SORT1: variants seen among roughly 807,000 people sequenced by gnomAD.
The protein encoded by SORT1 is sortilin.
A neutral mutation model predicts 101.7 loss-of-function variants in SORT1; 39 were observed. That is an observed-to-expected ratio of 0.38 (90% CI 0.30 to 0.50). The LOEUF is 0.50. SORT1 is among the 20% of genes least tolerant of loss of function. SORT1 has a pLI of 0.90. For missense variants in SORT1, 878 were observed against 1,040.4 expected (o/e 0.84, Z 2.15); for synonymous variants, 396 against 393.7 (o/e 1.01, Z -0.07).
At chr1:109,319,354 G>C (rs184279546) in intron 15 of SORT1, among the ~76,000 whole-genome samples, 8 of 152,244 alleles carry the variant, frequency 5.3e-5, no homozygotes, top group Admixed American at 5.2e-4. Context: ...ACCTGCCCTG[G>C]GGCCTTGCTT....
At position 109,324,896 on chromosome 1, in the gene SORT1, C is replaced by T; in HGVS notation, c.1834+3G>A. ...GGTAGAAAAGGTCAAAGGAGACACTCACAGTTCCTTTCAAGGATATCTTTA... is the reference window on the plus strand; with the variant it reads ...GGTAGAAAAGGTCAAAGGAGACACTTACAGTTCCTTTCAAGGATATCTTTA... On this transcript the variant is annotated splice_donor_region_variant and intron_variant, in intron 14 of 19. Transcript: ENST00000256637. The T allele has an allele frequency of 6.3e-7, 1 of 1,587,630 alleles. No homozygotes were observed. The highest frequency in any genetic ancestry group is 2.2e-5 in the East Asian group (1 of 44,478).
intron 11 of SORT1, among the ~76,000 whole-genome samples, chr1:109,334,783 G>T (rs1291178634): frequency 6.6e-6 from 1 of 152,018 alleles, no homozygotes; most frequent in Non-Finnish European, 1.5e-5. Flanking sequence ...AGTGTACATT[G>T]TAAATATACA....
chr1:109,326,908 T>C (rs913864325), intron 13 of SORT1, 84 bp downstream of exon 13: 1 of 1,064,108 alleles, frequency 9.4e-7, no homozygotes, highest in Non-Finnish European at 1.3e-6. Flanking sequence ...AATTATAGTC[T>C]GTAACATCCC....
rs781109268 is a variant in SORT1 at position 109,342,086 on chromosome 1, C to A, written c.1036G>T (p.Gly346Ter). The part of the protein sequence containing the change: ...TWSMAQLPSV[G>*]QEQFYSILAA... ...AGAATAGAATAGAACTGTTCCTGTC[C>A]CACGGAGGGGAGCTGGGCCATGCTC... Residue 346 changes from glycine to a stop codon, truncating the protein, a stop_gained, in exon 9 of 20, where the codon GGA becomes TGA. Coordinates refer to ENST00000256637, the MANE Select transcript of SORT1 (RefSeq NM_002959.7). LOFTEE classifies it high-confidence loss of function. 1 of 1,613,566 alleles carries A rather than the reference C, an allele frequency of 6.2e-7. No individual in the cohort carries two copies. Among genetic ancestry groups the A allele is most frequent in the Non-Finnish European group, 8.5e-7 (1 of 1,179,630 alleles).
chr1:109,317,952 C>G lies in SORT1; in HGVS notation c.2042G>C (p.Arg681Pro). Residue 681 changes from arginine to proline, a missense_variant, in exon 16 of 20, where the codon CGT becomes CCT. Arg to Pro is a moderately radical substitution (Grantham distance 103). This residue lies in a region of SORT1 where 684 missense variants were observed against 894.5 expected (regional missense o/e 0.76). Coordinates refer to ENST00000256637, the MANE Select transcript of SORT1 (RefSeq NM_002959.7). ...EDFLCDFGYY[R>P]PENDSKCVEQ... ...CACACACTTGGAGTCATTTTCTGGA[C>G]GGTAGTAGCCAAAATCACTGCAAGA... The G allele has an allele frequency of 1.2e-6, 2 of 1,612,698 alleles. No individual in the cohort carries two copies. Among genetic ancestry groups the G allele is most frequent in the Middle Eastern group, 1.7e-4 (1 of 6,060 alleles).
At position 109,354,464 on chromosome 1, in the gene SORT1, G is replaced by C; in HGVS notation, c.611C>G (p.Ala204Gly). 2 of 1,613,076 alleles carry C rather than the reference G, an allele frequency of 1.2e-6. No individual in the cohort carries two copies. Among genetic ancestry groups the C allele is most frequent in the Non-Finnish European group, 1.7e-6 (2 of 1,179,128 alleles). ...GGRIFRSSDFAKNFVQTDLPF... is the reference protein window; with the variant it reads ...GGRIFRSSDFGKNFVQTDLPF... ...GAGATCTGTTTGCACAAAATTCTTCGCAAAATCTGATGATCTAAAGATTCT... is the reference window on the plus strand; with the variant it reads ...GAGATCTGTTTGCACAAAATTCTTCCCAAAATCTGATGATCTAAAGATTCT... The change falls in exon 5 of 20, where the codon GCG becomes GGG. Residue 204 changes from alanine to glycine, a missense_variant. Ala to Gly is a moderately conservative substitution (Grantham distance 60, BLOSUM62 0). Coordinates refer to ENST00000256637, the MANE Select transcript of SORT1 (RefSeq NM_002959.7).
chr1:109,315,762 T>C (rs1658994098), intron 17 of SORT1, among the ~76,000 whole-genome samples: 1 of 150,456 alleles, frequency 6.6e-6, no homozygotes, highest in South Asian at 2.1e-4. Context: ...TTTTTTTTTT[T>C]TTTTTTTTAA....
chr1:109,340,978 G>A, intron 9 of SORT1, 99 bp from the exon 10 acceptor site: 3 of 888,308 alleles, frequency 3.4e-6, no homozygotes, highest in Non-Finnish European at 5.1e-6. Context: ...ACCAAACACA[G>A]TAGCCAATTG....
At chr1:109,339,852 G>C (rs191645295) in intron 10 of SORT1, among the ~76,000 whole-genome samples, 13 of 152,244 alleles carry the variant, frequency 8.5e-5, no homozygotes, top group Middle Eastern at 6.8e-3. Context: ...TCCATCAATG[G>C]AGGAATAAAA....
intron 3 of SORT1, among the ~76,000 whole-genome samples, chr1:109,363,466 CAAACATATGTATACAG>C (rs1324374170): frequency 2.0e-5 from 3 of 152,060 alleles, no homozygotes; most frequent in Non-Finnish European, 4.4e-5. Flanking sequence ...TACATACACA[CAAACATATGTATACAG>C]AAACATATGT....
intron 13 of SORT1, among the ~76,000 whole-genome samples, chr1:109,325,984 A>G (rs1479256039): frequency 6.6e-6 from 1 of 151,958 alleles, no homozygotes; most frequent in Non-Finnish European, 1.5e-5. Context: ...CTGGGTGACA[A>G]GAGCAAAACT....
chr1:109,355,398 C>T lies in SORT1; in HGVS notation c.512G>A (p.Gly171Asp), dbSNP rs750957839. 47 of 1,601,324 alleles carry T rather than the reference C, an allele frequency of 2.9e-5. No individual in the cohort carries two copies. Among genetic ancestry groups the T allele is most frequent in the Admixed American group, 2.3e-4 (14 of 59,962 alleles). Reference sequence around the variant, plus strand: ...AGAGTTCTCAGGACCAATAGCCATGCCAAATTCAGTCCGAATAAAGGTGTT... The same window carrying T: ...AGAGTTCTCAGGACCAATAGCCATGTCAAATTCAGTCCGAATAAAGGTGTT... ...INNTFIRTEF[G>D]MAIGPENSGK... Residue 171 changes from glycine (G) to aspartate (D), a missense_variant, in exon 4 of 20, where the codon GGC becomes GAC. By Grantham distance (94) the Gly-to-Asp change is moderately conservative (BLOSUM62 -1). Around this residue, in one of 2 missense-constraint regions of SORT1, gnomAD observed 684 missense variants for 894.5 expected, o/e 0.76. Coordinates refer to ENST00000256637, the MANE Select transcript of SORT1 (RefSeq NM_002959.7).
chr1:109,359,538 T>C (rs1194718761), intron 3 of SORT1, among the ~76,000 whole-genome samples: 1 of 152,166 alleles, frequency 6.6e-6, no homozygotes, highest in Admixed American at 6.5e-5. Context: ...CCACTCTTGT[T>C]ACCCAGGCTG....
chr1:109,365,946 T>C (rs1343638943), intron 3 of SORT1, among the ~76,000 whole-genome samples: 2 of 152,210 alleles, frequency 1.3e-5, no homozygotes, highest in African/African-American at 2.4e-5. Context: ...TCACTCCCAC[T>C]TGGGCCAAGA....
intron 3 of SORT1, among the ~76,000 whole-genome samples, chr1:109,362,061 T>C (rs1650755329): frequency 6.6e-6 from 1 of 152,186 alleles, no homozygotes; most frequent in Admixed American, 6.5e-5. Context: ...CAAGAAGACT[T>C]TGATGTGCCT....
At chr1:109,381,821 G>C (rs915444913) in intron 1 of SORT1, among the ~76,000 whole-genome samples, 3 of 152,008 alleles carry the variant, frequency 2.0e-5, no homozygotes, top group African/African-American at 7.3e-5. Flanking sequence ...CCATGATTGT[G>C]CCACTGCACT....
intron 1 of SORT1, among the ~76,000 whole-genome samples, chr1:109,390,801 G>A (rs1005449307): frequency 3.8e-4 from 48 of 125,804 alleles, no homozygotes; most frequent in African/African-American, 1.6e-3. Flanking sequence ...GTGTGTGTGC[G>A]CGCGCGCGTT....
intron 3 of SORT1, among the ~76,000 whole-genome samples, chr1:109,360,495 A>ATTT (rs774193343): frequency 1.5e-5 from 2 of 132,162 alleles, no homozygotes; most frequent in Admixed American, 7.7e-5. Context: ...ACCACACTCA[A>ATTT]TTTTTTTTTT....
chr1:109,368,995 T>C (rs1020652375), intron 2 of SORT1, among the ~76,000 whole-genome samples: 1 of 152,194 alleles, frequency 6.6e-6, no homozygotes, highest in African/African-American at 2.4e-5. Context: ...TGAAAAGGTG[T>C]CCATCTTCCC....
Sources: gnomAD v4.1 joint callset for allele counts (sites outside exome capture counted in the v4.1 genomes callset) on GRCh38, gnomAD v4.1.1 for gene constraint, gnomAD v4.1.1 regional missense constraint, MANE v1.5 for transcripts, NCBI Gene and HGNC (gene_info 2026-07-23, HGNC 2026-07-21) for gene names.